FXYD6: variants seen among roughly 807,000 people sequenced by gnomAD.
The protein encoded by FXYD6 is FXYD domain-containing ion transport regulator 6.
A neutral mutation model predicts 16.7 loss-of-function variants in FXYD6; 7 were observed. That is an observed-to-expected ratio of 0.42 (90% CI 0.24 to 0.79). FXYD6 has a LOEUF of 0.79. FXYD6 is among the 30% of genes least tolerant of loss of function. The pLI is 0.28. For synonymous variants in FXYD6, 49 were observed against 43.0 expected (o/e 1.14, Z -0.54); for missense variants, 111 against 116.2 (o/e 0.95, Z 0.21).
chr11:117,876,095 C>T (rs975880910), intron 1 of FXYD6, among the ~76,000 whole-genome samples: 2 of 152,194 alleles, frequency 1.3e-5, no homozygotes, highest in Non-Finnish European at 2.9e-5. Context: ...TGCCCACTGC[C>T]CAGCCCCACC....
At chr11:117,841,946 C>G in intron 3 of FXYD6, 44 bp downstream of exon 3, 1 of 1,613,794 alleles carries the variant, frequency 6.2e-7, no homozygotes, top group Non-Finnish European at 8.5e-7. Flanking sequence ...CCAGGCAGGG[C>G]TGCATTCCCC....
Position 117,841,982 on chromosome 11 carries a change from T to C in FXYD6, c.97+8A>G, listed in dbSNP as rs1449097550. On this transcript the variant is annotated splice_region_variant and intron_variant, in intron 3 of 7. Coordinates refer to ENST00000526014, the MANE Select transcript of FXYD6 (RefSeq NM_022003.4). ...CTGACCCCTGCACCCAGGGTTGCCA[T>C]CGCTCACCATAATGAAAAGGGTCCA... The C allele has an allele frequency of 6.2e-7, 1 of 1,614,156 alleles. No individual in the cohort carries two copies. Among genetic ancestry groups the C allele is most frequent in the Admixed American group, 1.7e-5 (1 of 60,014 alleles).
At chr11:117,856,114 C>T (rs2056720459) in intron 1 of FXYD6, among the ~76,000 whole-genome samples, 1 of 152,136 alleles carries the variant, frequency 6.6e-6, no homozygotes, top group Non-Finnish European at 1.5e-5. Context: ...TTGCTGGCTG[C>T]ATGTGCGGGA....
intron 1 of FXYD6, among the ~76,000 whole-genome samples, chr11:117,855,601 G>T (rs1338912413): frequency 1.3e-5 from 2 of 152,244 alleles, no homozygotes; most frequent in Non-Finnish European, 2.9e-5. Context: ...GCTGGCTGGG[G>T]TGGGGAGGGT....
chr11:117,857,520 T>G (rs928256068), intron 1 of FXYD6, among the ~76,000 whole-genome samples: 5 of 151,240 alleles, frequency 3.3e-5, no homozygotes, highest in Admixed American at 6.6e-5. Flanking sequence ...GCGATTCTCC[T>G]GTCTCAGCCT....
In FXYD6 at chr11:117,845,422, T is replaced by G. The variant is rs148173109; in HGVS notation, c.-5-2641A>C. ...TTAACACGTACATATATCTAAATAT[T>G]ATGTTGCTTAGTGTAGCTTTTTTGA... On this transcript the variant is annotated intron_variant, in intron 1 of 7. Coordinates refer to ENST00000526014, the MANE Select transcript of FXYD6 (RefSeq NM_022003.4). Among the ~76,000 whole-genome samples the G allele has an allele frequency of 1.4e-4, 22 of 152,364 alleles. No homozygotes were observed. In the East Asian group the frequency reaches 3.9e-3, roughly 27 times the overall value.
chr11:117,875,165 G>A (rs1352896489), intron 1 of FXYD6, among the ~76,000 whole-genome samples: 15 of 152,130 alleles, frequency 9.9e-5, no homozygotes, highest in African/African-American at 3.6e-4. Context: ...TGTAGCTGGT[G>A]TGTGGTGGTG....
In FXYD6 at chr11:117,858,682, TC is replaced by T. The variant is rs1426869621; in HGVS notation, c.-5-15902del. The stretch of plus-strand genomic sequence containing the variant: ...TTCTTTCTTTCTTTCTTTCTTTCTT[TC>T]TTTCTTTCTTTCTTTCTTTCTCTCT... On this transcript the variant is annotated intron_variant, in intron 1 of 7. Transcript: ENST00000526014. Among the ~76,000 whole-genome samples the T allele has an allele frequency of 2.9e-4, 26 of 89,072 alleles. 1 individual carries two copies. Among genetic ancestry groups the T allele is most frequent in the African/African-American group, 1.3e-3 (26 of 19,748 alleles). The allele number at this position is 89,072 out of a possible 152,430, so 58.4% of individuals were successfully genotyped here. A position where few individuals can be genotyped will look rare whatever the true frequency, so the allele number is the denominator to read the frequency against.
intron 1 of FXYD6, among the ~76,000 whole-genome samples, chr11:117,861,302 C>T (rs2056901086): frequency 6.6e-6 from 1 of 152,176 alleles, no homozygotes. Flanking sequence ...ACCTCAGCAT[C>T]CTGCCGGATG....
chr11:117,858,701 TTCTCTC>T (rs201736623), intron 1 of FXYD6, among the ~76,000 whole-genome samples: 2 of 58,294 alleles, frequency 3.4e-5, no homozygotes, highest in African/African-American at 8.3e-5. Flanking sequence ...CTTTCTTTCT[TTCTCTC>T]TCTCTCTCCT....
chr11:117,857,883 C>A (rs1471458610), intron 1 of FXYD6, among the ~76,000 whole-genome samples: 1 of 152,126 alleles, frequency 6.6e-6, no homozygotes. Flanking sequence ...GCCATGCCTG[C>A]ACAATATCAG....
At chr11:117,838,365 A>G (rs1301146545) in intron 7 of FXYD6, 88 bp from the exon 8 acceptor site, 3 of 697,094 alleles carry the variant, frequency 4.3e-6, no homozygotes, top group Non-Finnish European at 7.9e-6. Flanking sequence ...GCACCTGCCC[A>G]CTGAAATTCC....
At chr11:117,858,441 C>G (rs535086843) in intron 1 of FXYD6, among the ~76,000 whole-genome samples, 1 of 152,192 alleles carries the variant, frequency 6.6e-6, no homozygotes, top group East Asian at 1.9e-4. Context: ...CTGCTTTCTC[C>G]TCTCACCTTG....
chr11:117,869,436 C>T (rs2134207144), intron 1 of FXYD6, among the ~76,000 whole-genome samples: 1 of 152,330 alleles, frequency 6.6e-6, no homozygotes, highest in South Asian at 2.1e-4. Flanking sequence ...GCCCCTCCAA[C>T]CCTCATTCAT....
intron 1 of FXYD6, chr11:117,844,297 A>G (rs2056423866): frequency 6.6e-6 from 1 of 152,198 alleles, no homozygotes; most frequent in Non-Finnish European, 1.5e-5. Context: ...GCTACACTGT[A>G]TCTTATATGT....
intron 1 of FXYD6, among the ~76,000 whole-genome samples, chr11:117,852,466 A>G (rs2134162177): frequency 6.6e-6 from 1 of 152,372 alleles, no homozygotes; most frequent in African/African-American, 2.4e-5. Context: ...TTCCACTGCT[A>G]TCTGGCTTCC....
intron 1 of FXYD6, among the ~76,000 whole-genome samples, chr11:117,867,459 A>C (rs1174535739): frequency 2.0e-5 from 3 of 152,216 alleles, no homozygotes; most frequent in Non-Finnish European, 4.4e-5. Flanking sequence ...ATAGTGCAGT[A>C]GCTGGACCCA....
intron 1 of FXYD6, among the ~76,000 whole-genome samples, chr11:117,871,808 G>A (rs570822500): frequency 2.7e-4 from 41 of 152,292 alleles, no homozygotes; most frequent in African/African-American, 9.1e-4. Context: ...AGGAAACTGA[G>A]GTTTAGCAAA....
rs1359023473 is a variant in FXYD6 at position 117,872,247 on chromosome 11, G to T, written c.-6+4345C>A. On this transcript the variant is annotated intron_variant, in intron 1 of 7. Transcript: ENST00000526014. This position sits in a 1 kb window ranked among gnomAD's most constrained non-coding sequence, Gnocchi z 4.9. The stretch of plus-strand genomic sequence containing the variant: ...AGCCACTGCCTCCCTGTCGGGTGTG[G>T]GAGATTATATATGTGTGAGGAAGGG... Among the ~76,000 whole-genome samples, 1 of 152,160 alleles carries T rather than the reference G, an allele frequency of 6.6e-6. No individual in the cohort carries two copies. Among genetic ancestry groups the T allele is most frequent in the African/African-American group, 2.4e-5 (1 of 41,424 alleles).
Sources: gnomAD v4.1 joint callset for allele counts (sites outside exome capture counted in the v4.1 genomes callset) on GRCh38, gnomAD v4.1.1 for gene constraint, Gnocchi (gnomAD v3.1) non-coding constraint, MANE v1.5 for transcripts, NCBI Gene and HGNC (gene_info 2026-07-23, HGNC 2026-07-21) for gene names.